Variants in MEF2A observed in about 807,000 individuals in gnomAD.
MEF2A encodes the protein myocyte-specific enhancer factor 2A.
MEF2A carries 28 observed loss-of-function variants against 55.8 expected under a neutral mutation model. That is an observed-to-expected ratio of 0.50 (90% CI 0.37 to 0.69). MEF2A has a LOEUF of 0.69. Among genes scored for constraint, MEF2A ranks in the 30% least tolerant of loss-of-function variants. The probability of loss-of-function intolerance (pLI) is 0.00; values close to 1 mark genes in which losing one functional copy is unlikely to be tolerated. For synonymous variants in MEF2A, 239 were observed against 227.1 expected (o/e 1.05, Z -0.47); for missense variants, 528 against 626.2 (o/e 0.84, Z 1.67).
chr15:99,711,102 G>GC (rs2058591123), intron 11 of MEF2A, among the ~76,000 whole-genome samples: 1 of 152,192 alleles, frequency 6.6e-6, no homozygotes, highest in Non-Finnish European at 1.5e-5. Flanking sequence ...TGATGAAGCT[G>GC]CCTACTGCAC....
At chr15:99,702,235 C>G (rs746744886) in intron 8 of MEF2A, among the ~76,000 whole-genome samples, 27 of 152,174 alleles carry the variant, frequency 1.8e-4, no homozygotes, top group South Asian at 4.1e-4. Context: ...GTCCCACCTA[C>G]TTTACACACA....
At chr15:99,611,955 A>G (rs2039331116) in intron 2 of MEF2A, among the ~76,000 whole-genome samples, 1 of 152,324 alleles carries the variant, frequency 6.6e-6, no homozygotes, top group Non-Finnish European at 1.5e-5. Flanking sequence ...TTTCCAGAAT[A>G]GGCAAATTCC....
chr15:99,654,451 G>A (rs961912883), intron 4 of MEF2A, among the ~76,000 whole-genome samples: 5 of 151,764 alleles, frequency 3.3e-5, no homozygotes, highest in African/African-American at 9.7e-5. Context: ...GAGAACTATA[G>A]GTTGCTTCTG....
intron 1 of MEF2A, among the ~76,000 whole-genome samples, chr15:99,572,855 A>G (rs1221885284): frequency 2.6e-5 from 4 of 152,200 alleles, no homozygotes; most frequent in Non-Finnish European, 5.9e-5. Flanking sequence ...GATTATTTGA[A>G]TATAATTGAT....
rs1037499675 is a variant in MEF2A at position 99,629,230 on chromosome 15, C to T, written c.-142-3748C>T. Among the ~76,000 whole-genome samples, 6 of 151,992 alleles carry T rather than the reference C, an allele frequency of 3.9e-5. No homozygotes were observed. The East Asian group carries it at 5.8e-4, about 15-fold the overall frequency. On this transcript the variant is annotated intron_variant, in intron 2 of 11. Transcript: ENST00000557942. ...CGGGTGGATCATGAGGTCAGGAGAT[C>T]GAGACCGTCCTGGTGTTAGGAATAA...
intron 2 of MEF2A, among the ~76,000 whole-genome samples, chr15:99,600,628 T>C (rs557152709): frequency 3.3e-5 from 5 of 152,268 alleles, no homozygotes; most frequent in African/African-American, 1.2e-4. Flanking sequence ...AATATAGATA[T>C]CATATTGTTC....
Position 99,712,912 on chromosome 15 carries a change from T to A in MEF2A, c.*141T>A. Reference sequence around the variant, plus strand: ...CCCTTTACATATATATGTATGTGGGTGTGAGTGTGTATGTGTGGGTGTGTG... The same window carrying A: ...CCCTTTACATATATATGTATGTGGGAGTGAGTGTGTATGTGTGGGTGTGTG... On this transcript the variant is annotated 3_prime_UTR_variant, in exon 12 of 12. Coordinates refer to ENST00000557942, the MANE Select transcript of MEF2A (RefSeq NM_001319206.4). The surrounding 1 kb of genome is among the most constrained non-coding windows in gnomAD (Gnocchi z 4.1). The A allele has an allele frequency of 3.4e-6, 3 of 895,118 alleles. No individual in the cohort carries two copies. Among genetic ancestry groups the A allele is most frequent in the South Asian group, 1.8e-5 (1 of 54,496 alleles). The allele number at this position is 895,118 out of a possible 1,614,324, so 55.4% of individuals were successfully genotyped here.
chr15:99,659,682 G>A (rs2048323073), intron 4 of MEF2A, among the ~76,000 whole-genome samples: 1 of 152,056 alleles, frequency 6.6e-6, no homozygotes, highest in Non-Finnish European at 1.5e-5. Context: ...AAGAGTACTT[G>A]GATCTCTGGA....
chr15:99,674,172 A>G (rs2051432080), intron 5 of MEF2A, among the ~76,000 whole-genome samples: 1 of 152,184 alleles, frequency 6.6e-6, no homozygotes, highest in South Asian at 2.1e-4. Context: ...ACATTAGTAT[A>G]TATTAATGTA....
At chr15:99,567,627 C>CTGTG (rs370539645) in intron 1 of MEF2A, among the ~76,000 whole-genome samples, 9,737 of 143,760 alleles carry the variant, frequency 0.068, 404 homozygotes, top group Admixed American at 0.083. Context: ...TTTGTATGTA[C>CTGTG]TGTGTGTGTG....
At chr15:99,645,365 G>A (rs2045801288) in intron 3 of MEF2A, among the ~76,000 whole-genome samples, 196 bp from the exon 4 acceptor site, 1 of 152,134 alleles carries the variant, frequency 6.6e-6, no homozygotes, top group African/African-American at 2.4e-5. Flanking sequence ...AGCTCTGTCG[G>A]AGAACTTGGC....
intron 3 of MEF2A, 93 bp from the exon 4 acceptor site, chr15:99,645,468 G>T: frequency 1.1e-6 from 1 of 904,702 alleles, no homozygotes; most frequent in Admixed American, 2.5e-5. Flanking sequence ...TTTGAAATCT[G>T]GCTCAGTATT....
chr15:99,699,120 C>T (rs780563378), intron 8 of MEF2A, among the ~76,000 whole-genome samples: 17 of 151,544 alleles, frequency 1.1e-4, no homozygotes, highest in Non-Finnish European at 2.1e-4. Context: ...TGAGTATTTA[C>T]GCACATGAAT....
chr15:99,603,920 C>G lies in MEF2A; in HGVS notation c.-143+5409C>G, dbSNP rs116294730. On this transcript the variant is annotated intron_variant, in intron 2 of 11. Coordinates refer to ENST00000557942, the MANE Select transcript of MEF2A (RefSeq NM_001319206.4). ...TTACTGGTTCATGTGTTTGGAGGCT[C>G]TGTTACTAGGTGCATGCGTAATAAG... Among the ~76,000 whole-genome samples, 1,014 of 152,226 alleles carry G rather than the reference C, an allele frequency of 6.7e-3. 11 individuals carry two copies. The highest frequency in any genetic ancestry group is 0.023 in the African/African-American group (966 of 41,540).
intron 9 of MEF2A, among the ~76,000 whole-genome samples, chr15:99,703,589 T>A (rs2057685513): frequency 6.6e-6 from 1 of 152,218 alleles, no homozygotes; most frequent in Non-Finnish European, 1.5e-5. Flanking sequence ...TTTTATTTGT[T>A]GGAGGGAACA....
At chr15:99,663,770 TAA>T (rs1238737307) in intron 4 of MEF2A, among the ~76,000 whole-genome samples, 1 of 151,990 alleles carries the variant, frequency 6.6e-6, no homozygotes, top group East Asian at 1.9e-4. Flanking sequence ...TCAACATACT[TAA>T]AAAAAAGTTT....
chr15:99,614,394 A>G (rs774357571), intron 2 of MEF2A, among the ~76,000 whole-genome samples: 1 of 152,192 alleles, frequency 6.6e-6, no homozygotes, highest in Non-Finnish European at 1.5e-5. Flanking sequence ...AAGCCCAACA[A>G]TAACTTATAA....
intron 4 of MEF2A, 93 bp from the exon 5 acceptor site, chr15:99,671,230 G>A: frequency 1.4e-6 from 2 of 1,398,904 alleles, no homozygotes; most frequent in Non-Finnish European, 2.0e-6. Context: ...GTATAATTCA[G>A]TTCATTCCGT....
chr15:99,603,611 G>A (rs1298125094), intron 2 of MEF2A, among the ~76,000 whole-genome samples: 1 of 148,200 alleles, frequency 6.7e-6, no homozygotes, highest in Non-Finnish European at 1.5e-5. Flanking sequence ...ATGTTGGCCA[G>A]GCTGGTCTCG....
Sources: gnomAD v4.1 joint callset for allele counts (sites outside exome capture counted in the v4.1 genomes callset) on GRCh38, gnomAD v4.1.1 for gene constraint, Gnocchi (gnomAD v3.1) non-coding constraint, MANE v1.5 for transcripts, NCBI Gene and HGNC (gene_info 2026-07-23, HGNC 2026-07-21) for gene names.